The following COL23A1 variants were observed in gnomAD, a reference collection of about 807,000 sequenced individuals.
COL23A1 encodes collagen type XXIII alpha 1 chain, also known as collagen alpha-1(XXIII) chain.
Under a neutral mutation model 99.3 loss-of-function variants are expected in COL23A1, and 97 were observed. That is an observed-to-expected ratio of 0.98 (90% CI 0.83 to 1.16). The LOEUF is 1.16. Among genes scored for constraint, COL23A1 ranks in the 50% most tolerant of loss-of-function variants. COL23A1 has a pLI of 0.00. For synonymous variants in COL23A1, 320 were observed against 308.2 expected, an observed-to-expected ratio of 1.04 and a Z score of -0.40; for missense variants, 762 against 757.4, an observed-to-expected ratio of 1.01 and a Z score of -0.07.
chr5:178,240,415 CCACACAG>C (rs771736805), intron 27 of COL23A1, among the ~76,000 whole-genome samples: 6 of 152,186 alleles, frequency 3.9e-5, no homozygotes, highest in Admixed American at 6.5e-5. Context: ...CCCCGAAGGC[CCACACAG>C]CACACGGCAC....
Position 178,535,377 on chromosome 5 carries a change from C to T in COL23A1, c.361+25305G>A, listed in dbSNP as rs1760881385. Among the ~76,000 whole-genome samples, 4 of 152,262 alleles carry T rather than the reference C, an allele frequency of 2.6e-5. No homozygotes were observed. The South Asian group carries it at 8.3e-4, about 32-fold the overall frequency. ...CAGGCTGCCAAGCCTCGGTTACACA[C>T]AGCTCCCTTCTGGCTCCAGCACTCC... On this transcript the variant is annotated intron_variant, in intron 2 of 28. Coordinates refer to ENST00000390654, the MANE Select transcript of COL23A1 (RefSeq NM_173465.4).
chr5:178,251,091 C>T (rs1476781036), intron 17 of COL23A1, among the ~76,000 whole-genome samples: 3 of 146,048 alleles, frequency 2.1e-5, no homozygotes, highest in South Asian at 2.2e-4. Context: ...GGCACAACCT[C>T]GACTCACTAC....
chr5:178,550,374 C>A (rs191428134), intron 2 of COL23A1, among the ~76,000 whole-genome samples: 13 of 152,164 alleles, frequency 8.5e-5, no homozygotes, highest in Non-Finnish European at 1.5e-5. Flanking sequence ...TTGTAGGACA[C>A]TCAACAGCAC....
chr5:178,333,575 G>A (rs2913791), intron 2 of COL23A1, among the ~76,000 whole-genome samples: 75,800 of 151,982 alleles, frequency 0.5, 19,699 homozygotes, highest in East Asian at 0.81. Flanking sequence ...CTTTGTGAAA[G>A]GCATCCCCTG....
At chr5:178,535,244 G>A (rs774346691) in intron 2 of COL23A1, among the ~76,000 whole-genome samples, 8 of 152,176 alleles carry the variant, frequency 5.3e-5, no homozygotes, top group Non-Finnish European at 1.2e-4. Flanking sequence ...AAAGTGCTGG[G>A]ATTACAGGCG....
chr5:178,535,724 G>C (rs574428195), intron 2 of COL23A1, among the ~76,000 whole-genome samples: 1 of 152,262 alleles, frequency 6.6e-6, no homozygotes, highest in Non-Finnish European at 1.5e-5. Context: ...GAAGGGCGCC[G>C]TGTGCCCAGC....
intron 2 of COL23A1, among the ~76,000 whole-genome samples, chr5:178,403,116 AAAAAAATAAATAAATAAAAAAT>A (rs1295476762): frequency 2.2e-5 from 3 of 134,456 alleles, no homozygotes; most frequent in Non-Finnish European, 4.6e-5. Context: ...CTCAAAAAAA[AAAAAAATAAATAAATAAAAAAT>A]AAATACCATT....
intron 1 of COL23A1, among the ~76,000 whole-genome samples, chr5:178,570,067 G>T (rs1181665316): frequency 1.3e-5 from 2 of 151,674 alleles, no homozygotes; most frequent in Admixed American, 6.6e-5. Context: ...GACCATCTTA[G>T]AACTCTGCCT....
intron 2 of COL23A1, among the ~76,000 whole-genome samples, chr5:178,423,495 C>A (rs537432761): frequency 2.2e-4 from 33 of 152,132 alleles, no homozygotes; most frequent in Admixed American, 2.2e-3. Context: ...ATTTGCCCAG[C>A]GTAGGCTCCT....
chr5:178,260,657 G>C (rs1214276466), intron 11 of COL23A1, among the ~76,000 whole-genome samples: 1 of 152,170 alleles, frequency 6.6e-6, no homozygotes, highest in African/African-American at 2.4e-5. Flanking sequence ...AGCCAGGTGT[G>C]GTGGCGCACG....
rs527958920 is a variant in COL23A1, at chr5:178,573,094, G to A, written c.295-12346C>T. On this transcript the variant is annotated intron_variant, in intron 1 of 28. Transcript: ENST00000390654. ...GAACGAGGCAGGAGGAAACTCTGGAGGGTGAGGGATGCATTCCCTATCTAG... is the reference window on the plus strand; with the variant it reads ...GAACGAGGCAGGAGGAAACTCTGGAAGGTGAGGGATGCATTCCCTATCTAG... 2.7e-4 allele frequency among the ~76,000 whole-genome samples: 41 copies of A among 152,326 alleles called. 1 individual carries two copies. In the East Asian group the frequency reaches 7.7e-3, roughly 29 times the overall value.
intron 2 of COL23A1, among the ~76,000 whole-genome samples, chr5:178,523,181 C>CGT (rs1760069784): frequency 1.2e-4 from 11 of 90,444 alleles, no homozygotes; most frequent in Middle Eastern, 6.5e-3. Context: ...TATATATACA[C>CGT]ATATATATAT....
intron 2 of COL23A1, among the ~76,000 whole-genome samples, chr5:178,556,745 G>A (rs890588654): frequency 2.9e-4 from 44 of 151,950 alleles, no homozygotes; most frequent in African/African-American, 9.9e-4. Context: ...TTGAGGTCAG[G>A]AGTTGGAGAC....
At chr5:178,500,807 A>T (rs1425421247) in intron 2 of COL23A1, among the ~76,000 whole-genome samples, 1 of 152,144 alleles carries the variant, frequency 6.6e-6, no homozygotes, top group African/African-American at 2.4e-5. Flanking sequence ...ATGTTCCTTA[A>T]ACAAGAAACA....
At chr5:178,426,778 C>T (rs1280170765) in intron 2 of COL23A1, among the ~76,000 whole-genome samples, 2 of 152,196 alleles carry the variant, frequency 1.3e-5, no homozygotes, top group East Asian at 1.9e-4. Context: ...ACAATAAGAA[C>T]GCGAACAGCC....
rs1764762052 is a variant in COL23A1, at chr5:178,247,420, G to A, written c.1296+106C>T. On this transcript the variant is annotated intron_variant, in intron 22 of 28. Coordinates refer to ENST00000390654, the MANE Select transcript of COL23A1 (RefSeq NM_173465.4). ...TCAGGCGCTGGGAAGACTCAGGGATGGGCCAGGGCGGAGCGTCAGGCCCTT... is the reference window on the plus strand; with the variant it reads ...TCAGGCGCTGGGAAGACTCAGGGATAGGCCAGGGCGGAGCGTCAGGCCCTT... 4 of 1,302,074 alleles carry A rather than the reference G, an allele frequency of 3.1e-6. 1 individual carries two copies. Among genetic ancestry groups the A allele is most frequent in the Non-Finnish European group, 4.4e-6 (4 of 915,250 alleles). The allele number at this position is 1,302,074 out of a possible 1,614,324, so 80.7% of individuals were successfully genotyped here.
intron 2 of COL23A1, among the ~76,000 whole-genome samples, chr5:178,378,463 G>A (rs1292774238): frequency 6.6e-6 from 1 of 152,208 alleles, no homozygotes; most frequent in Non-Finnish European, 1.5e-5. Flanking sequence ...GGGCTGGGAA[G>A]CCTAACTGGG....
chr5:178,383,637 A>G (rs922786109), intron 2 of COL23A1, among the ~76,000 whole-genome samples: 11 of 152,252 alleles, frequency 7.2e-5, no homozygotes, highest in South Asian at 4.1e-4. Flanking sequence ...CTTGTGTCCC[A>G]GGACTTTTCG....
At chr5:178,263,014 G>T (rs755624605) in intron 9 of COL23A1, among the ~76,000 whole-genome samples, 194 bp downstream of exon 9, 12 of 152,138 alleles carry the variant, frequency 7.9e-5, no homozygotes, top group Non-Finnish European at 1.6e-4. Flanking sequence ...TGGGTCTGGG[G>T]TCAGGGTCAG....
Sources: allele counts gnomAD v4.1 joint callset (sites outside exome capture counted in the v4.1 genomes callset), GRCh38; gene constraint gnomAD v4.1.1; transcripts MANE v1.5; gene names NCBI Gene and HGNC (gene_info 2026-07-23, HGNC 2026-07-21).